Variants in IHO1 observed in about 807,000 individuals in gnomAD.
The protein encoded by IHO1 is interactor of HORMAD1 protein 1.
Under a neutral mutation model 31.0 loss-of-function variants are expected in IHO1, and 13 were observed. The observed-to-expected ratio is 0.42, with a 90% CI of 0.27 to 0.67. The LOEUF is 0.67. IHO1 is among the 30% of genes least tolerant of loss of function. The probability of loss-of-function intolerance (pLI) is 0.24; values close to 1 mark genes in which losing one functional copy is unlikely to be tolerated. For synonymous variants in IHO1, 221 were observed against 248.4 expected, an observed-to-expected ratio of 0.89 and a Z score of 1.04; for missense variants, 599 against 687.5, an observed-to-expected ratio of 0.87 and a Z score of 1.44.
rs758552463 is a variant in IHO1 at position 49,244,632 on chromosome 3, T to A, written c.445-14T>A. 2.1e-5 allele frequency: 33 copies of A among 1,606,566 alleles called. No individual in the cohort carries two copies. In the Admixed American group the frequency reaches 5.5e-4, roughly 27 times the overall value. On this transcript the variant is annotated splice_polypyrimidine_tract_variant and intron_variant, in intron 5 of 7. Transcript: ENST00000452691. ...AATAGCCTGTGAATTATTTCATAATTTTGGGTTTCTTAGTTGCAGACGTCT... is the reference window on the plus strand; with the variant it reads ...AATAGCCTGTGAATTATTTCATAATATTGGGTTTCTTAGTTGCAGACGTCT...
chr3:49,237,692 TAAC>T (rs964632109), intron 3 of IHO1, among the ~76,000 whole-genome samples: 9 of 151,590 alleles, frequency 5.9e-5, no homozygotes, highest in African/African-American at 2.2e-4. Flanking sequence ...AGAAATAAAA[TAAC>T]AAATTTTATT....
chr3:49,194,408 A>C (rs2045985655), upstream of IHO1, among the ~76,000 whole-genome samples: 1 of 142,230 alleles, frequency 7.0e-6, no homozygotes, highest in African/African-American at 2.6e-5. Flanking sequence ...GGCTCACACC[A>C]TTCTCCTGCC....
In IHO1 at chr3:49,247,925, G is replaced by A. The variant is rs567700209; in HGVS notation, c.532+3192G>A. Among the ~76,000 whole-genome samples the A allele has an allele frequency of 3.3e-5, 5 of 151,330 alleles. No individual in the cohort carries two copies. The East Asian group carries it at 5.9e-4, about 18-fold the overall frequency. On this transcript the variant is annotated intron_variant, in intron 6 of 7. Transcript: ENST00000452691. ...GAATCACTTGAGGTCAAGAGTTTGA[G>A]ACCAGTCTGTCCAACATGGTGAAAA...
At chr3:49,191,966 C>T in the IHO1 span, 2 of 618,366 alleles carry the variant, frequency 3.2e-6, no homozygotes, top group Non-Finnish European at 5.7e-6. Flanking sequence ...TAGTTCTTCT[C>T]TGTGAGAAAA....
chr3:49,219,443 T>A (rs2046325990), intron 2 of IHO1, among the ~76,000 whole-genome samples: 1 of 152,252 alleles, frequency 6.6e-6, no homozygotes, highest in South Asian at 2.1e-4. Context: ...TAAGGAATAC[T>A]TTTAGTTAAT....
At chr3:49,235,993 C>T (rs918633037) in intron 2 of IHO1, among the ~76,000 whole-genome samples, 1 of 150,220 alleles carries the variant, frequency 6.7e-6, no homozygotes, top group African/African-American at 2.5e-5. Context: ...GTAATCCCAG[C>T]AATTTGGGAG....
At chr3:49,210,852 C>A (rs533181726) in intron 1 of IHO1, among the ~76,000 whole-genome samples, 10 of 151,828 alleles carry the variant, frequency 6.6e-5, no homozygotes, top group African/African-American at 2.4e-4. Context: ...CACGTCCCAC[C>A]ACACCCAGGT....
intron 6 of IHO1, chr3:49,245,137 G>A: frequency 7.6e-6 from 3 of 392,404 alleles, no homozygotes; most frequent in Non-Finnish European, 1.4e-5. Flanking sequence ...TGCTCTTCTT[G>A]CTGCCTTGGT....
intron 2 of IHO1, among the ~76,000 whole-genome samples, chr3:49,230,339 T>G (rs1466956623): frequency 6.6e-6 from 1 of 152,214 alleles, no homozygotes; most frequent in Non-Finnish European, 1.5e-5. Context: ...CTGCTATGAT[T>G]CCGAAAAACT....
chr3:49,214,938 C>T (rs2046270034), intron 2 of IHO1, among the ~76,000 whole-genome samples: 2 of 151,216 alleles, frequency 1.3e-5, no homozygotes, highest in African/African-American at 4.9e-5. Flanking sequence ...CCACGCCCAG[C>T]AAATCTTCAT....
At chr3:49,212,117 T>C (rs1263352511) in intron 2 of IHO1, among the ~76,000 whole-genome samples, 1 of 150,068 alleles carries the variant, frequency 6.7e-6, no homozygotes, top group Admixed American at 6.7e-5. Context: ...TGAGCCGAGA[T>C]TGCGCCACTG....
intron 3 of IHO1, among the ~76,000 whole-genome samples, chr3:49,239,423 G>A (rs1027727357): frequency 4.3e-4 from 63 of 145,978 alleles, no homozygotes; most frequent in African/African-American, 1.6e-3. Context: ...ATGGGACTAT[G>A]GGCGTGCACC....
At chr3:49,246,888 C>G (rs958095530) in intron 6 of IHO1, among the ~76,000 whole-genome samples, 9 of 150,316 alleles carry the variant, frequency 6.0e-5, no homozygotes, top group Non-Finnish European at 1.2e-4. Flanking sequence ...AACTCTCACT[C>G]TTGTCCCCCA....
intron 6 of IHO1, among the ~76,000 whole-genome samples, chr3:49,246,179 C>CAAA (rs71278650): frequency 2.3e-4 from 11 of 47,724 alleles, no homozygotes; most frequent in East Asian, 6.1e-4. Context: ...GAGACTCCGT[C>CAAA]AAAAAAAAAA....
At chr3:49,244,572 T>C (rs1167380235) in intron 5 of IHO1, 74 bp from the exon 6 acceptor site, 84 of 1,418,336 alleles carry the variant, frequency 5.9e-5, no homozygotes, top group Non-Finnish European at 7.6e-5. Context: ...CTATTTATCA[T>C]GAAATGACAA....
Position 49,243,593 on chromosome 3 carries a change from C to CAAAAAAA in IHO1, c.396-811_396-810insAAAAAAA, listed in dbSNP as rs2046657340. Among the ~76,000 whole-genome samples the CAAAAAAA allele has an allele frequency of 1.3e-4, 19 of 151,404 alleles. 1 individual carries two copies. The highest frequency in any genetic ancestry group is 1.2e-3 in the Admixed American group (19 of 15,228). On this transcript the variant is annotated intron_variant, in intron 4 of 7. Coordinates refer to ENST00000452691, the MANE Select transcript of IHO1 (RefSeq NM_001135197.2). Reference sequence around the variant, plus strand: ...CTAACACGATGAAACCCCGTCTCTACTAAAAATTCAAAAAATTAGCCGGGC... The same window carrying CAAAAAAA: ...CTAACACGATGAAACCCCGTCTCTACAAAAAAATAAAAATTCAAAAAATTAGCCGGGC...
At chr3:49,205,854 C>T (rs1170266726) in intron 1 of IHO1, among the ~76,000 whole-genome samples, 2 of 151,294 alleles carry the variant, frequency 1.3e-5, no homozygotes, top group African/African-American at 4.9e-5. Flanking sequence ...ACTGCCACCT[C>T]CACCTCCTGG....
At chr3:49,250,971 C>G (rs1045977463) in intron 6 of IHO1, among the ~76,000 whole-genome samples, 4 of 151,856 alleles carry the variant, frequency 2.6e-5, no homozygotes, top group African/African-American at 9.7e-5. Flanking sequence ...TTGCGGTGAG[C>G]CAAGATCGCG....
At chr3:49,210,838 C>T (rs2046202370) in intron 1 of IHO1, among the ~76,000 whole-genome samples, 1 of 151,112 alleles carries the variant, frequency 6.6e-6, no homozygotes, top group Non-Finnish European at 1.5e-5. Context: ...GCTGGGACTA[C>T]AGGCACGTCC....
Sources: allele counts gnomAD v4.1 joint callset (sites outside exome capture counted in the v4.1 genomes callset), GRCh38; gene constraint gnomAD v4.1.1; transcripts MANE v1.5; gene names NCBI Gene and HGNC (gene_info 2026-07-23, HGNC 2026-07-21).